The following LTBP1 variants were observed in gnomAD, a reference collection of about 807,000 sequenced individuals.
LTBP1 encodes latent transforming growth factor beta binding protein 1, also known as latent-transforming growth factor beta-binding protein 1.
LTBP1 carries 129 observed loss-of-function variants against 207.6 expected under a neutral mutation model. The observed-to-expected ratio is 0.62, with a 90% CI of 0.54 to 0.72. The LOEUF (loss-of-function observed/expected upper bound fraction) is 0.72. Ranked by LOEUF, LTBP1 falls within the 30% of genes least tolerant of loss-of-function variation. LTBP1 has a pLI of 0.00. For missense variants in LTBP1, 2,281 were observed against 2,217.2 expected (o/e 1.03, Z -0.58); for synonymous variants, 963 against 833.7 (o/e 1.16, Z -2.67).
At chr2:33,002,282 G>A (rs1686151007) in intron 2 of LTBP1, among the ~76,000 whole-genome samples, 1 of 152,312 alleles carries the variant, frequency 6.6e-6, no homozygotes, top group East Asian at 1.9e-4. Flanking sequence ...CAAATGCAAG[G>A]GGTGAGTTAA....
Position 33,181,967 on chromosome 2 carries a change from G to A in LTBP1, c.1202-4889G>A, listed in dbSNP as rs1463640222. Among the ~76,000 whole-genome samples the A allele has an allele frequency of 3.3e-5, 5 of 152,094 alleles. No individual in the cohort carries two copies. The East Asian group carries it at 7.7e-4, about 23-fold the overall frequency. On this transcript the variant is annotated intron_variant, in intron 5 of 33. Transcript: ENST00000404816. ...GTTTCTGTGATGTAACTGACTATTA[G>A]GTATAAAAAGACTGCCTGCCACAAA... is the stretch of plus-strand genomic sequence containing the variant.
At chr2:33,133,844 T>C (rs1387449028) in intron 4 of LTBP1, among the ~76,000 whole-genome samples, 1 of 152,226 alleles carries the variant, frequency 6.6e-6, no homozygotes, top group Non-Finnish European at 1.5e-5. Context: ...TGAACTGAAC[T>C]GGACTGAAAT....
rs563919979 is a variant in LTBP1 at position 33,344,722 on chromosome 2, C to T, written c.3856+1759C>T. Among the ~76,000 whole-genome samples, 44 of 152,282 alleles carry T rather than the reference C, an allele frequency of 2.9e-4. No homozygotes were observed. In the South Asian group the frequency reaches 4.8e-3, roughly 16 times the overall value. On this transcript the variant is annotated intron_variant, in intron 25 of 33. Coordinates refer to ENST00000404816, the MANE Select transcript of LTBP1 (RefSeq NM_206943.4). ...AATAATGGGTATACCACCTGCAGAC[C>T]GCTTCTGCAAGGCTATGACCTCTAT... is the stretch of plus-strand genomic sequence containing the variant.
At chr2:33,140,689 T>TA (rs2082580486) in intron 5 of LTBP1, among the ~76,000 whole-genome samples, 2 of 146,054 alleles carry the variant, frequency 1.4e-5, no homozygotes, top group African/African-American at 5.0e-5. Context: ...TTTTTTGAGA[T>TA]AGAGTTTTGC....
chr2:33,251,533 T>C (rs922722877), intron 10 of LTBP1, among the ~76,000 whole-genome samples: 2 of 151,938 alleles, frequency 1.3e-5, no homozygotes, highest in African/African-American at 4.8e-5. Flanking sequence ...GGTGTGGTAG[T>C]GGGTGCCTGT....
chr2:32,977,518 T>G (rs1681997596), intron 2 of LTBP1, among the ~76,000 whole-genome samples: 1 of 152,192 alleles, frequency 6.6e-6, no homozygotes, highest in African/African-American at 2.4e-5. Context: ...GTTATGTCAC[T>G]GGTGCCAGTT....
chr2:33,395,499 T>G (rs1200370184), intron 32 of LTBP1, among the ~76,000 whole-genome samples: 1 of 152,190 alleles, frequency 6.6e-6, no homozygotes, highest in South Asian at 2.1e-4. Flanking sequence ...TATTGTATAT[T>G]TTTCGGTCAT....
chr2:33,276,671 T>C (rs2093432969), intron 18 of LTBP1, among the ~76,000 whole-genome samples: 1 of 152,110 alleles, frequency 6.6e-6, no homozygotes, highest in South Asian at 2.1e-4. Flanking sequence ...GCCAACATGC[T>C]GAAACTCCCT....
Position 33,279,152 on chromosome 2 carries a change from C to G in LTBP1, c.2993-887C>G, listed in dbSNP as rs567335135. On this transcript the variant is annotated intron_variant, in intron 18 of 33. Transcript: ENST00000404816. ...GTATTGGGATACTTAAACATTAAAT[C>G]CACTCATATAAATTCAAGATCCACC... Among the ~76,000 whole-genome samples the G allele has an allele frequency of 8.5e-5, 13 of 152,218 alleles. No homozygotes were observed. In the South Asian group the frequency reaches 2.1e-3, roughly 24 times the overall value.
At chr2:33,354,466 C>T (rs1402665882) in intron 26 of LTBP1, among the ~76,000 whole-genome samples, 7 of 151,888 alleles carry the variant, frequency 4.6e-5, no homozygotes, top group Non-Finnish European at 7.4e-5. Context: ...GAGGAAAATA[C>T]GTTCATTTGT....
chr2:33,135,545 G>A (rs1043435115), intron 5 of LTBP1, among the ~76,000 whole-genome samples: 4 of 148,850 alleles, frequency 2.7e-5, no homozygotes, highest in Admixed American at 2.7e-4. Context: ...AAGACAGACT[G>A]GTAGATTACT....
chr2:33,310,482 C>T (rs1042069918), intron 23 of LTBP1, among the ~76,000 whole-genome samples: 4 of 152,144 alleles, frequency 2.6e-5, no homozygotes, highest in African/African-American at 4.8e-5. Context: ...GGTATCTCTT[C>T]GAATTCTTAC....
chr2:33,315,412 C>G, intron 24 of LTBP1, 143 bp downstream of exon 24: 2 of 1,033,784 alleles, frequency 1.9e-6, no homozygotes, highest in East Asian at 2.5e-5. Flanking sequence ...TAAACCATAT[C>G]TGAAAGCATA....
chr2:33,251,771 G>A (rs1573433505), intron 10 of LTBP1, among the ~76,000 whole-genome samples: 1 of 151,986 alleles, frequency 6.6e-6, no homozygotes, highest in African/African-American at 2.4e-5. Context: ...CTTTGGTTGG[G>A]TTTGGGGAAT....
chr2:33,156,528 C>T (rs1169549943), intron 5 of LTBP1, among the ~76,000 whole-genome samples: 1 of 152,082 alleles, frequency 6.6e-6, no homozygotes, highest in East Asian at 1.9e-4. Flanking sequence ...ATAATACCTG[C>T]CTCATAAGAT....
intron 9 of LTBP1, among the ~76,000 whole-genome samples, chr2:33,241,719 C>G (rs1166818715): frequency 6.6e-6 from 1 of 152,154 alleles, no homozygotes; most frequent in Non-Finnish European, 1.5e-5. Context: ...TTTTGTCCAG[C>G]CTTCTTGACC....
Position 33,268,529 on chromosome 2 carries a change from C to A in LTBP1, c.2618-5127C>A, listed in dbSNP as rs906526809. ...GTGAGCCACATATCTGCAGGAAATA[C>A]GTGTGATGTTTTCCACTCTTAACAG... On this transcript the variant is annotated intron_variant, in intron 15 of 33. Coordinates refer to ENST00000404816, the MANE Select transcript of LTBP1 (RefSeq NM_206943.4). Among the ~76,000 whole-genome samples, 3 of 152,162 alleles carry A rather than the reference C, an allele frequency of 2.0e-5. No homozygotes were observed. The East Asian group carries it at 5.8e-4, about 29-fold the overall frequency.
In LTBP1 at chr2:33,360,613, A is replaced by C; in HGVS notation, c.4017A>C (p.Val1339=). The stretch of plus-strand genomic sequence containing the variant: ...TCCATTTAGATTTAGATGTAGATGT[A>C]GATCAACCCAAAGAAGAAAAGAAAG... ...SRTSTDLDVD[V]DQPKEEKKEC... Residue 1339 remains valine (V), a synonymous_variant, in exon 27 of 34, where the codon GTA becomes GTC. Coordinates refer to ENST00000404816, the MANE Select transcript of LTBP1 (RefSeq NM_206943.4). 4.3e-6 allele frequency: 7 copies of C among 1,612,810 alleles called. No individual in the cohort carries two copies. Among genetic ancestry groups the C allele is most frequent in the Non-Finnish European group, 5.9e-6 (7 of 1,178,814 alleles).
chr2:33,339,951 A>G (rs1204917935), intron 24 of LTBP1, among the ~76,000 whole-genome samples: 1 of 151,940 alleles, frequency 6.6e-6, no homozygotes, highest in African/African-American at 2.4e-5. Context: ...GGCTTCATTG[A>G]TTTTTTAATT....
Sources: gnomAD v4.1 joint callset for allele counts (sites outside exome capture counted in the v4.1 genomes callset) on GRCh38, gnomAD v4.1.1 for gene constraint, MANE v1.5 for transcripts, NCBI Gene and HGNC (gene_info 2026-07-23, HGNC 2026-07-21) for gene names.